Variants in SUCLG2 observed in about 807,000 individuals in gnomAD.
SUCLG2 encodes the protein succinate-CoA ligase GDP-forming subunit beta.
SUCLG2 carries 42 observed loss-of-function variants against 47.9 expected under a neutral mutation model. That is an observed-to-expected ratio of 0.88 (90% confidence interval 0.69 to 1.14). The LOEUF is 1.14. Among genes scored for constraint, SUCLG2 ranks in the 50% most tolerant of loss-of-function variants. The pLI is 0.00. For synonymous variants in SUCLG2, 195 were observed against 197.3 expected (o/e 0.99, Z 0.10); for missense variants, 571 against 525.9 (o/e 1.09, Z -0.84).
At chr3:67,465,621 T>C (rs908153513) in intron 9 of SUCLG2, among the ~76,000 whole-genome samples, 1 of 152,134 alleles carries the variant, frequency 6.6e-6, no homozygotes, top group Non-Finnish European at 1.5e-5. Flanking sequence ...CCCAGCCGAG[T>C]AGGGGCATCC....
intron 5 of SUCLG2, among the ~76,000 whole-genome samples, chr3:67,519,943 C>T (rs1706049383): frequency 6.6e-6 from 1 of 152,068 alleles, no homozygotes; most frequent in South Asian, 2.1e-4. Flanking sequence ...AGATCTCTGA[C>T]TTGAAACTAA....
chr3:67,554,969 G>A (rs1707118618), intron 2 of SUCLG2, among the ~76,000 whole-genome samples: 1 of 152,188 alleles, frequency 6.6e-6, no homozygotes, highest in South Asian at 2.1e-4. Context: ...CCCAGGCACT[G>A]AGGGATGTTG....
At chr3:67,653,507 T>C (rs978129930) in intron 1 of SUCLG2, among the ~76,000 whole-genome samples, 1 of 152,208 alleles carries the variant, frequency 6.6e-6, no homozygotes, top group African/African-American at 2.4e-5. Context: ...CAAAAAATCA[T>C]TAATCACTAT....
rs191070924 is a variant in SUCLG2, at chr3:67,363,986, T to C, written c.1184-3218A>G. ...ATCCCAGAGTTGGAACTGAAGAAACTGGAGAAATGCCAATGGGCACAGACA... is the reference window on the plus strand; with the variant it reads ...ATCCCAGAGTTGGAACTGAAGAAACCGGAGAAATGCCAATGGGCACAGACA... On this transcript the variant is annotated intron_variant, in intron 10 of 10. Coordinates refer to the SUCLG2 transcript ENST00000493112. 3.9e-4 allele frequency among the ~76,000 whole-genome samples: 60 copies of C among 152,208 alleles called. No individual in the cohort carries two copies. The Middle Eastern group carries it at 0.02, about 52-fold the overall frequency.
chr3:67,479,175 T>G (rs1405190012), intron 9 of SUCLG2, among the ~76,000 whole-genome samples: 1 of 151,954 alleles, frequency 6.6e-6, no homozygotes, highest in Non-Finnish European at 1.5e-5. Context: ...AAATCTCAAT[T>G]CCCAAATGGT....
chr3:67,376,944 G>A (rs916451371), intron 10 of SUCLG2, among the ~76,000 whole-genome samples: 1 of 152,196 alleles, frequency 6.6e-6, no homozygotes, highest in Non-Finnish European at 1.5e-5. Flanking sequence ...CCATGTACTT[G>A]TTATGTAGTT....
At chr3:67,372,033 CAGG>C (rs1302600874), downstream of SUCLG2, among the ~76,000 whole-genome samples, 1 of 152,134 alleles carries the variant, frequency 6.6e-6, no homozygotes, top group Admixed American at 6.6e-5. Flanking sequence ...TCCTAATACT[CAGG>C]AGATTTAGAC....
intron 10 of SUCLG2, among the ~76,000 whole-genome samples, chr3:67,391,391 C>T (rs1277862422): frequency 6.6e-6 from 1 of 152,026 alleles, no homozygotes; most frequent in Non-Finnish European, 1.5e-5. Flanking sequence ...ATTTGCACTC[C>T]TATTCGCTAC....
intron 9 of SUCLG2, among the ~76,000 whole-genome samples, chr3:67,485,827 A>C (rs1705036298): frequency 6.6e-6 from 1 of 152,260 alleles, no homozygotes; most frequent in South Asian, 2.1e-4. Flanking sequence ...TAATCATTCC[A>C]TAGCTATAAA....
chr3:67,558,775 G>A (rs1707227999), intron 2 of SUCLG2, among the ~76,000 whole-genome samples: 1 of 152,212 alleles, frequency 6.6e-6, no homozygotes, highest in African/African-American at 2.4e-5. Context: ...GTCCAAGGCT[G>A]AGGAGGGCTG....
chr3:67,641,168 C>T (rs1402533810), intron 1 of SUCLG2, among the ~76,000 whole-genome samples: 4 of 152,178 alleles, frequency 2.6e-5, no homozygotes, highest in Non-Finnish European at 5.9e-5. Context: ...GTGCCCCTTT[C>T]CTTGGGATAT....
At chr3:67,547,922 A>G (rs1011391688) in intron 2 of SUCLG2, among the ~76,000 whole-genome samples, 1 of 152,120 alleles carries the variant, frequency 6.6e-6, no homozygotes, top group Non-Finnish European at 1.5e-5. Flanking sequence ...CCAGTATGAA[A>G]GTTTCTACCG....
At chr3:67,530,187 C>T (rs1224184898) in intron 2 of SUCLG2, among the ~76,000 whole-genome samples, 2 of 152,162 alleles carry the variant, frequency 1.3e-5, no homozygotes, top group African/African-American at 4.8e-5. Context: ...AGGTTTCAAT[C>T]TGGCCTTCAT....
intron 2 of SUCLG2, among the ~76,000 whole-genome samples, chr3:67,561,457 T>C (rs1170792717): frequency 6.6e-6 from 1 of 152,144 alleles, no homozygotes; most frequent in Non-Finnish European, 1.5e-5. Flanking sequence ...ATTTAAAAAA[T>C]ATCCTCTTGT....
intron 9 of SUCLG2, among the ~76,000 whole-genome samples, chr3:67,420,703 C>A (rs954695888): frequency 2.6e-5 from 4 of 151,844 alleles, no homozygotes; most frequent in African/African-American, 7.3e-5. Context: ...AAAAAACAAT[C>A]CTCCATTAGG....
At chr3:67,505,974 G>A (rs910423904) in intron 7 of SUCLG2, among the ~76,000 whole-genome samples, 1 of 151,186 alleles carries the variant, frequency 6.6e-6, no homozygotes, top group Non-Finnish European at 1.5e-5. Context: ...AAATAAAAAA[G>A]AAAAAGAAAA....
chr3:67,648,300 G>A (rs1038428032), intron 1 of SUCLG2, among the ~76,000 whole-genome samples: 3 of 152,156 alleles, frequency 2.0e-5, no homozygotes, highest in Non-Finnish European at 4.4e-5. Flanking sequence ...TGAAGCCAGA[G>A]AGAGAGGAAG....
chr3:67,492,884 A>T (rs994032121), intron 9 of SUCLG2, among the ~76,000 whole-genome samples: 1 of 152,226 alleles, frequency 6.6e-6, no homozygotes, highest in Non-Finnish European at 1.5e-5. Context: ...GACTGACATC[A>T]TGAGTGGAAA....
chr3:67,371,329 G>C (rs971918382), downstream of SUCLG2, among the ~76,000 whole-genome samples: 1 of 152,184 alleles, frequency 6.6e-6, no homozygotes, highest in Non-Finnish European at 1.5e-5. Context: ...GGCTTACTTA[G>C]AATATGAAAA....
Sources: gnomAD v4.1 joint callset for allele counts (sites outside exome capture counted in the v4.1 genomes callset) on GRCh38, gnomAD v4.1.1 for gene constraint, MANE v1.5 for transcripts, NCBI Gene and HGNC (gene_info 2026-07-23, HGNC 2026-07-21) for gene names.